GALNT13: variants seen among roughly 807,000 people sequenced by gnomAD.
GALNT13 encodes UDP-GalNAc:polypeptide N-acetylgalactosaminyltransferase 13.
Under a neutral mutation model 64.2 loss-of-function variants are expected in GALNT13, and 28 were observed. The observed-to-expected ratio is 0.44, with a 90% CI of 0.32 to 0.60. GALNT13 has a LOEUF of 0.60. Ranked by LOEUF, GALNT13 falls within the 20% of genes least tolerant of loss-of-function variation. The pLI, the probability that GALNT13 is intolerant of heterozygous loss-of-function variation, is 0.05. For missense variants in GALNT13, 577 were observed against 669.8 expected, an observed-to-expected ratio of 0.86 and a Z score of 1.53; for synonymous variants, 214 against 224.6, an observed-to-expected ratio of 0.95 and a Z score of 0.42.
chr2:153,280,512 A>T, the GALNT13 span, among the ~76,000 whole-genome samples: 1 of 152,102 alleles, frequency 6.6e-6, no homozygotes, highest in East Asian at 1.9e-4. Context: ...AGCACTACAA[A>T]CCTTCCTCTT....
chr2:154,301,320 T>C (rs1693428707), intron 8 of GALNT13, 89 bp from the exon 9 acceptor site: 2 of 1,120,936 alleles, frequency 1.8e-6, no homozygotes, highest in Admixed American at 2.1e-5. Flanking sequence ...GCTTGAAACA[T>C]GTAAAATACG....
intron 11 of GALNT13, among the ~76,000 whole-genome samples, chr2:154,429,080 C>A (rs1329315939): frequency 6.6e-6 from 1 of 152,186 alleles, no homozygotes; most frequent in Non-Finnish European, 1.5e-5. Context: ...TCTCGCTCCA[C>A]AGGGCTTCCT....
At chr2:153,434,896 TC>T in the GALNT13 span, among the ~76,000 whole-genome samples, 1 of 152,188 alleles carries the variant, frequency 6.6e-6, no homozygotes, top group East Asian at 1.9e-4. Context: ...AGACATGAAG[TC>T]CTTGCCCATG....
chr2:154,015,955 C>T (rs1696974259), intron 3 of GALNT13, among the ~76,000 whole-genome samples: 1 of 152,030 alleles, frequency 6.6e-6, no homozygotes, highest in Non-Finnish European at 1.5e-5. Context: ...CTCAGAGGTG[C>T]CAGACAAAAT....
chr2:153,856,905 C>G, the GALNT13 span, among the ~76,000 whole-genome samples: 1 of 152,088 alleles, frequency 6.6e-6, no homozygotes, highest in Non-Finnish European at 1.5e-5. Flanking sequence ...AGTTATAGAA[C>G]TGTATGGGAT....
intron 3 of GALNT13, among the ~76,000 whole-genome samples, chr2:154,136,185 G>T (rs1180497484): frequency 1.3e-5 from 2 of 152,076 alleles, no homozygotes; most frequent in African/African-American, 4.8e-5. Flanking sequence ...AGATTTTAAA[G>T]GAAAATATAC....
chr2:153,922,605 T>G (rs1689832268), intron 2 of GALNT13, among the ~76,000 whole-genome samples: 2 of 152,106 alleles, frequency 1.3e-5, no homozygotes, highest in South Asian at 4.1e-4. Context: ...TAGAGACTAA[T>G]TTTAAGAAAG....
At chr2:154,287,199 G>A in intron 8 of GALNT13, 1 of 1,465,770 alleles carries the variant, frequency 6.8e-7, no homozygotes, top group Non-Finnish European at 9.4e-7. Flanking sequence ...GAGAGGGCCA[G>A]ATTTGTGGTG....
the GALNT13 span, among the ~76,000 whole-genome samples, chr2:153,606,064 A>G: frequency 1.5e-4 from 23 of 152,216 alleles, no homozygotes; most frequent in African/African-American, 5.5e-4. Flanking sequence ...ATCTACCTAT[A>G]GCAGGCAATG....
the GALNT13 span, among the ~76,000 whole-genome samples, chr2:153,859,199 A>G: frequency 8.5e-5 from 13 of 152,300 alleles, no homozygotes; most frequent in African/African-American, 2.9e-4. Flanking sequence ...GCATTTGGCA[A>G]AGTAGGTTCA....
chr2:153,297,161 A>G, the GALNT13 span, among the ~76,000 whole-genome samples: 1 of 152,228 alleles, frequency 6.6e-6, no homozygotes, highest in Non-Finnish European at 1.5e-5. Context: ...TGTTAATATC[A>G]TTTTAGTGAG....
intron 10 of GALNT13, among the ~76,000 whole-genome samples, chr2:154,402,490 A>G (rs1404557292): frequency 2.6e-5 from 4 of 152,270 alleles, no homozygotes; most frequent in Admixed American, 6.5e-5. Flanking sequence ...ATAAAAGATT[A>G]TGTGTAAACA....
intron 12 of GALNT13, among the ~76,000 whole-genome samples, chr2:154,440,778 T>C (rs1049786678): frequency 1.3e-5 from 2 of 152,168 alleles, no homozygotes; most frequent in Non-Finnish European, 2.9e-5. Context: ...GCATAGGTCA[T>C]AATCTAATAA....
the GALNT13 span, among the ~76,000 whole-genome samples, chr2:153,117,749 T>C: frequency 6.6e-6 from 1 of 152,196 alleles, no homozygotes; most frequent in Non-Finnish European, 1.5e-5. Flanking sequence ...ACACTTCACT[T>C]ACCCTGTTTT....
At chr2:154,051,580 G>A (rs1477124116) in intron 3 of GALNT13, among the ~76,000 whole-genome samples, 1 of 152,118 alleles carries the variant, frequency 6.6e-6, no homozygotes, top group Non-Finnish European at 1.5e-5. Flanking sequence ...GTGAGCCACC[G>A]CGCCCGGCCA....
intron 4 of GALNT13, among the ~76,000 whole-genome samples, chr2:154,200,378 G>A (rs1004369288): frequency 2.0e-5 from 3 of 152,092 alleles, no homozygotes; most frequent in Non-Finnish European, 4.4e-5. Context: ...AGTATGGCAA[G>A]AGGAATAGAA....
the GALNT13 span, among the ~76,000 whole-genome samples, chr2:153,765,454 T>G: frequency 6.6e-6 from 1 of 152,158 alleles, no homozygotes. Context: ...TTTTGGCCAA[T>G]TTCTCCTATT....
At chr2:154,275,623 G>A (rs1559062599) in intron 8 of GALNT13, among the ~76,000 whole-genome samples, 1 of 151,248 alleles carries the variant, frequency 6.6e-6, no homozygotes. Context: ...TGCAGGAGTG[G>A]AGCCCTCATG....
At chr2:154,224,817 C>T (rs1262746496) in intron 4 of GALNT13, among the ~76,000 whole-genome samples, 1 of 151,964 alleles carries the variant, frequency 6.6e-6, no homozygotes, top group African/African-American at 2.4e-5. Flanking sequence ...TCCTCTTAAC[C>T]TTGGTGGAAG....
Sources: gnomAD v4.1 joint callset for allele counts (sites outside exome capture counted in the v4.1 genomes callset) on GRCh38, gnomAD v4.1.1 for gene constraint, MANE v1.5 for transcripts, NCBI Gene and HGNC (gene_info 2026-07-23, HGNC 2026-07-21) for gene names.